Variants in WDSUB1 observed in about 807,000 individuals in gnomAD.
WDSUB1 encodes WD repeat, SAM and U-box domain-containing protein 1.
WDSUB1 carries 49 observed loss-of-function variants against 53.9 expected under a neutral mutation model. The observed-to-expected ratio is 0.91, with a 90% CI of 0.72 to 1.15. The LOEUF (loss-of-function observed/expected upper bound fraction) is 1.15, where lower values mean the gene tolerates loss of function less well. Ranked by LOEUF, WDSUB1 falls within the 50% of genes most tolerant of loss-of-function variation. The pLI, the probability that WDSUB1 is intolerant of heterozygous loss-of-function variation, is 0.00. For synonymous variants in WDSUB1, 194 were observed against 200.6 expected, an observed-to-expected ratio of 0.97 and a Z score of 0.28; for missense variants, 514 against 562.0, an observed-to-expected ratio of 0.91 and a Z score of 0.86.
intron 1 of WDSUB1, among the ~76,000 whole-genome samples, chr2:159,284,939 G>A (rs73968311): frequency 0.028 from 4,333 of 152,166 alleles, 192 homozygotes; most frequent in African/African-American, 0.094. Flanking sequence ...TTGTCATTTA[G>A]ATCTCAATTT....
intron 5 of WDSUB1, among the ~76,000 whole-genome samples, chr2:159,260,635 G>T (rs1014007719): frequency 6.6e-6 from 1 of 152,110 alleles, no homozygotes; most frequent in Non-Finnish European, 1.5e-5. Context: ...CCTTGTAATG[G>T]TATAAAAATT....
At chr2:159,238,442 G>A (rs759820634) in intron 10 of WDSUB1, among the ~76,000 whole-genome samples, 7 of 152,106 alleles carry the variant, frequency 4.6e-5, no homozygotes, top group East Asian at 1.9e-4. Context: ...AAGCCGCTGC[G>A]CTCTGCAGGT....
At chr2:159,250,501 A>C (rs2060927296) in intron 9 of WDSUB1, among the ~76,000 whole-genome samples, 1 of 152,230 alleles carries the variant, frequency 6.6e-6, no homozygotes, top group African/African-American at 2.4e-5. Context: ...TCTAAAATGC[A>C]GCACAGTGTT....
intron 5 of WDSUB1, among the ~76,000 whole-genome samples, chr2:159,267,118 A>G (rs1027150511): frequency 1.3e-5 from 2 of 151,484 alleles, no homozygotes; most frequent in Non-Finnish European, 2.9e-5. Flanking sequence ...TTCTGGCCTC[A>G]TTTCTCCTTA....
intron 6 of WDSUB1, among the ~76,000 whole-genome samples, chr2:159,259,175 C>T (rs1269284448): frequency 6.6e-6 from 1 of 152,188 alleles, no homozygotes; most frequent in Non-Finnish European, 1.5e-5. Context: ...AGGGACGCGC[C>T]ACCACGGTCA....
chr2:159,251,108 T>A (rs1318790530), intron 9 of WDSUB1, among the ~76,000 whole-genome samples: 6 of 101,888 alleles, frequency 5.9e-5, no homozygotes, highest in East Asian at 1.9e-4. Context: ...ACAAAAAAAA[T>A]TTTAAAAATT....
chr2:159,254,879 C>T (rs2061026792), intron 9 of WDSUB1, among the ~76,000 whole-genome samples: 1 of 152,050 alleles, frequency 6.6e-6, no homozygotes, highest in Non-Finnish European at 1.5e-5. Context: ...GCCCATAATC[C>T]CAACACTTTG....
chr2:159,257,570 T>C (rs1466131133), intron 8 of WDSUB1, among the ~76,000 whole-genome samples, 188 bp downstream of exon 8: 1 of 151,950 alleles, frequency 6.6e-6, no homozygotes, highest in Non-Finnish European at 1.5e-5. Flanking sequence ...GTATTTTTAG[T>C]AGAGACAGGG....
intron 2 of WDSUB1, among the ~76,000 whole-genome samples, chr2:159,281,122 C>G (rs1281857569): frequency 6.6e-6 from 1 of 152,176 alleles, no homozygotes; most frequent in African/African-American, 2.4e-5. Flanking sequence ...CATTTGTGCT[C>G]TAAAAGATGT....
At chr2:159,273,530 C>T (rs142118626) in intron 4 of WDSUB1, among the ~76,000 whole-genome samples, 3,254 of 152,140 alleles carry the variant, frequency 0.021, 49 homozygotes, top group Non-Finnish European at 0.037. Flanking sequence ...AAGTGATTCT[C>T]CTGACTCAGG....
chr2:159,265,293 CCACACACACACA>C (rs75210001), intron 5 of WDSUB1, among the ~76,000 whole-genome samples: 3 of 149,360 alleles, frequency 2.0e-5, no homozygotes, highest in African/African-American at 4.9e-5. Context: ...AGCACACACA[CCACACACACACA>C]CACACACACA....
intron 9 of WDSUB1, among the ~76,000 whole-genome samples, chr2:159,248,918 T>C (rs2060883272): frequency 6.6e-6 from 1 of 152,202 alleles, no homozygotes; most frequent in Non-Finnish European, 1.5e-5. Flanking sequence ...AAATAGAGAT[T>C]TTATCTACTA....
chr2:159,252,571 C>T (rs2060973718), intron 9 of WDSUB1, among the ~76,000 whole-genome samples: 1 of 152,182 alleles, frequency 6.6e-6, no homozygotes. Context: ...GCCCTTTCAA[C>T]AGGGGGTCAT....
chr2:159,244,129 GT>G (rs1218688768), intron 10 of WDSUB1, among the ~76,000 whole-genome samples: 36 of 152,222 alleles, frequency 2.4e-4, no homozygotes, highest in Non-Finnish European at 4.1e-4. Context: ...ATACTTAATG[GT>G]GAAAGTTGAA....
Position 159,243,499 on chromosome 2 carries a change from T to C in WDSUB1, c.1273+4873A>G, listed in dbSNP as rs1559526773. Among the ~76,000 whole-genome samples, 4 of 147,936 alleles carry C rather than the reference T, an allele frequency of 2.7e-5. 1 individual carries two copies. The highest frequency in any genetic ancestry group is 7.9e-5 in the African/African-American group (3 of 38,046). On this transcript the variant is annotated intron_variant, in intron 10 of 10. Coordinates refer to ENST00000359774, the MANE Select transcript of WDSUB1 (RefSeq NM_001128212.3). ...TGTCAATATCCTGGTTGTGATATAA[T>C]AGTATCATTTTGAAAAATGTTACCA...
Position 159,279,871 on chromosome 2 carries a change from G to C in WDSUB1, c.473C>G (p.Ser158Cys). The change falls in exon 3 of 11, where the codon TCC (serine) becomes TGC (cysteine). Residue 158 changes from serine (S) to cysteine (C), a missense_variant. By Grantham distance (112) the Ser-to-Cys change is moderately radical. Transcript: ENST00000359774. ...CCACACTGTTAAATCACCACATGAGGAGCCAGTGACAAAGAAGCTTCCATT... is the reference window on the plus strand; with the variant it reads ...CCACACTGTTAAATCACCACATGAGCAGCCAGTGACAAAGAAGCTTCCATT... ...SPNGSFFVTG[S>C]SCGDLTVWDD... 6.2e-7 allele frequency: 1 copy of C among 1,612,292 alleles called. No individual in the cohort carries two copies. The highest frequency in any genetic ancestry group is 2.2e-5 in the East Asian group (1 of 44,860).
chr2:159,247,910 A>ATATAAATATATATATATATAT (rs2060846247), intron 10 of WDSUB1, among the ~76,000 whole-genome samples: 11 of 17,688 alleles, frequency 6.2e-4, no homozygotes, highest in Non-Finnish European at 1.5e-3. Context: ...TATATATATA[A>ATATAAATATATATATATATAT]ATATATATAT....
chr2:159,259,641 A>G (rs554461689), intron 6 of WDSUB1, among the ~76,000 whole-genome samples, 169 bp downstream of exon 6: 2 of 152,360 alleles, frequency 1.3e-5, no homozygotes, highest in Admixed American at 6.5e-5. Flanking sequence ...GGCTTGTTGC[A>G]GAACCAATAT....
chr2:159,276,980 G>A (rs1015745476), intron 3 of WDSUB1, among the ~76,000 whole-genome samples: 17 of 152,134 alleles, frequency 1.1e-4, no homozygotes, highest in African/African-American at 3.6e-4. Flanking sequence ...ACTCTAGCCT[G>A]GATGACGGAG....
Sources: gnomAD v4.1 joint callset for allele counts (sites outside exome capture counted in the v4.1 genomes callset) on GRCh38, gnomAD v4.1.1 for gene constraint, MANE v1.5 for transcripts, NCBI Gene and HGNC (gene_info 2026-07-23, HGNC 2026-07-21) for gene names.